The following LMBRD1 variants were observed in gnomAD, a reference collection of about 807,000 sequenced individuals.
The protein encoded by LMBRD1 is LMBR1 domain containing 1.
A neutral mutation model predicts 74.8 loss-of-function variants in LMBRD1; 64 were observed. The observed-to-expected ratio is 0.86, with a 90% confidence interval of 0.70 to 1.05. The LOEUF (loss-of-function observed/expected upper bound fraction) is 1.05. Among genes scored for constraint, LMBRD1 ranks in the 50% least tolerant of loss-of-function variants. LMBRD1 has a pLI of 0.00. For missense variants in LMBRD1, 652 were observed against 645.9 expected, an observed-to-expected ratio of 1.01 and a Z score of -0.10; for synonymous variants, 204 against 216.3, an observed-to-expected ratio of 0.94 and a Z score of 0.50.
intron 9 of LMBRD1, chr6:69,705,562 C>A: frequency 1.6e-6 from 2 of 1,270,986 alleles, no homozygotes; most frequent in Non-Finnish European, 2.2e-6. Context: ...GGCTTTTGTG[C>A]ATTTTTGGCT....
At chr6:69,779,610 C>A (rs998266448) in intron 3 of LMBRD1, among the ~76,000 whole-genome samples, 7 of 151,486 alleles carry the variant, frequency 4.6e-5, no homozygotes, top group Admixed American at 2.0e-4. Flanking sequence ...AATTTAAAAT[C>A]AAAAAAACAG....
Position 69,675,784 on chromosome 6 carries a change from A to C in LMBRD1, c.*374T>G. On this transcript the variant is annotated 3_prime_UTR_variant, in exon 16 of 16. Coordinates refer to ENST00000649934, the MANE Select transcript of LMBRD1 (RefSeq NM_018368.4). ...TCAGAGAGAGACACTTTAAAATTCC[A>C]CATCACTCTGGAGAACCTAAGGCAC... The C allele has an allele frequency of 4.7e-6, 1 of 214,792 alleles. No individual in the cohort carries two copies. Among genetic ancestry groups the C allele is most frequent in the Non-Finnish European group, 9.4e-6 (1 of 105,950 alleles). The allele number at this position is 214,792 out of a possible 1,614,324, so 13.3% of individuals were successfully genotyped here.
chr6:69,783,253 T>A (rs1481479688), intron 2 of LMBRD1, among the ~76,000 whole-genome samples: 1 of 152,234 alleles, frequency 6.6e-6, no homozygotes, highest in East Asian at 1.9e-4. Flanking sequence ...CTGAAAATTT[T>A]TTCATCAATG....
chr6:69,718,049 T>G (rs572873617), intron 8 of LMBRD1, among the ~76,000 whole-genome samples: 1 of 152,308 alleles, frequency 6.6e-6, no homozygotes, highest in Non-Finnish European at 1.5e-5. Flanking sequence ...GTTTTCTTTT[T>G]TGTGTGCTGT....
chr6:69,768,809 C>A (rs1765521548), intron 3 of LMBRD1, among the ~76,000 whole-genome samples: 1 of 151,968 alleles, frequency 6.6e-6, no homozygotes, highest in Non-Finnish European at 1.5e-5. Context: ...TCCTATTCCA[C>A]CTTCATTTTT....
intron 14 of LMBRD1, among the ~76,000 whole-genome samples, chr6:69,679,104 C>T (rs1765609593): frequency 6.6e-6 from 1 of 151,438 alleles, no homozygotes; most frequent in Non-Finnish European, 1.5e-5. Context: ...AAAGAAGCAA[C>T]TTCTTCCTTT....
rs1418793986 is a variant in LMBRD1 at position 69,780,526 on chromosome 6, T to C, written c.275A>G (p.Gln92Arg). 1.2e-6 allele frequency: 2 copies of C among 1,610,376 alleles called. No individual in the cohort carries two copies. Among genetic ancestry groups the C allele is most frequent in the Non-Finnish European group, 1.7e-6 (2 of 1,176,712 alleles). Residue 92 changes from glutamine to arginine, a missense_variant, in exon 3 of 16, where the codon CAG becomes CGG. This residue lies in a region of LMBRD1 where 598 missense variants were observed against 581.8 expected (regional missense o/e 1.03). Transcript: ENST00000649934. Reference protein sequence around the residue: ...KDWANANVSRQIEDTVLYGYY... With the variant: ...KDWANANVSRRIEDTVLYGYY... The stretch of plus-strand genomic sequence containing the variant: ...ACCGTATAATACAGTGTCCTCAATC[T>C]GTCTGCTGACATTAGCATTAGCCCA...
chr6:69,708,914 A>G (rs1766320529), intron 9 of LMBRD1, among the ~76,000 whole-genome samples: 1 of 152,156 alleles, frequency 6.6e-6, no homozygotes, highest in African/African-American at 2.4e-5. Flanking sequence ...TTCTTCCTCT[A>G]GTTTGACTTG....
rs1766874010 is a variant in LMBRD1 at position 69,732,214 on chromosome 6, T to G, written c.636+5728A>C. The stretch of plus-strand genomic sequence containing the variant: ...TTGTTTTCCCCTAAAATTCGTATGT[T>G]GAAATCTAATCCCCAGTGTGATATT... On this transcript the variant is annotated intron_variant, in intron 7 of 15. Coordinates refer to ENST00000649934, the MANE Select transcript of LMBRD1 (RefSeq NM_018368.4). Among the ~76,000 whole-genome samples the G allele has an allele frequency of 2.6e-5, 4 of 152,298 alleles. No individual in the cohort carries two copies. In the South Asian group the frequency reaches 8.3e-4, roughly 32 times the overall value.
intron 7 of LMBRD1, among the ~76,000 whole-genome samples, chr6:69,724,502 TTTGTATTTGTTGAACCATCCC>T (rs1336722392): frequency 1.4e-5 from 2 of 141,710 alleles, no homozygotes; most frequent in Non-Finnish European, 3.2e-5. Context: ...GTTCATTTGA[TTTGTATTTGTTGAACCATCCC>T]TTGCACCTCA....
At chr6:69,787,891 A>G (rs568222861) in intron 2 of LMBRD1, among the ~76,000 whole-genome samples, 17 of 152,274 alleles carry the variant, frequency 1.1e-4, no homozygotes, top group Non-Finnish European at 2.1e-4. Flanking sequence ...TTTTCTTTTA[A>G]GGGCACATGT....
At chr6:69,784,540 G>A (rs1765903326) in intron 2 of LMBRD1, among the ~76,000 whole-genome samples, 1 of 152,122 alleles carries the variant, frequency 6.6e-6, no homozygotes, top group Admixed American at 6.5e-5. Context: ...GAGGTAAGAG[G>A]TCAAGGACGC....
intron 3 of LMBRD1, among the ~76,000 whole-genome samples, chr6:69,756,420 G>T (rs1765268138): frequency 6.7e-6 from 1 of 149,566 alleles, no homozygotes; most frequent in South Asian, 2.1e-4. Context: ...CATTTTAAAA[G>T]ATGCTCAACA....
intron 5 of LMBRD1, chr6:69,746,602 C>A (rs1767237999): frequency 6.6e-6 from 1 of 152,484 alleles, no homozygotes; most frequent in Admixed American, 6.5e-5. Flanking sequence ...AGAAACTTGC[C>A]AAATATGATG....
chr6:69,787,451 A>G (rs1034777234), intron 2 of LMBRD1, among the ~76,000 whole-genome samples: 2 of 152,216 alleles, frequency 1.3e-5, no homozygotes, highest in Non-Finnish European at 2.9e-5. Context: ...CTTAATAATG[A>G]AAAGTAGGAA....
chr6:69,772,932 T>C (rs1451066344), intron 3 of LMBRD1, among the ~76,000 whole-genome samples: 1 of 152,160 alleles, frequency 6.6e-6, no homozygotes, highest in Non-Finnish European at 1.5e-5. Flanking sequence ...CAGCAGTAAA[T>C]AACACCTATT....
chr6:69,752,288 T>A lies in LMBRD1; in HGVS notation c.376A>T (p.Lys126Ter), dbSNP rs1170149970. 5.0e-6 allele frequency: 8 copies of A among 1,610,564 alleles called. No homozygotes were observed. The highest frequency in any genetic ancestry group is 6.8e-6 in the Non-Finnish European group (8 of 1,177,386). ...IPFVYFYYEE[K>*]DDDDTSKCTQ... is the part of the protein sequence containing the mutation. Reference sequence around the variant, plus strand: ...CATTTACTAGTATCATCATCATCCTTTTCTTCATAATAGAAGTAGACAAAA... The same window carrying A: ...CATTTACTAGTATCATCATCATCCTATTCTTCATAATAGAAGTAGACAAAA... Residue 126 changes from lysine to a stop codon, truncating the protein, a stop_gained, in exon 4 of 16, where the codon AAG becomes TAG. Transcript: ENST00000649934. LOFTEE classifies it high-confidence loss of function.
chr6:69,717,030 C>T (rs750969835), intron 8 of LMBRD1, among the ~76,000 whole-genome samples: 54 of 151,872 alleles, frequency 3.6e-4, no homozygotes, highest in African/African-American at 2.2e-4. Context: ...AAATTTGACA[C>T]AGATGAAAAT....
At position 69,676,260 on chromosome 6, in the gene LMBRD1, A is replaced by G; in HGVS notation, c.1521T>C (p.Ile507=). The G allele has an allele frequency of 6.2e-7, 1 of 1,613,062 alleles. No homozygotes were observed. The highest frequency in any genetic ancestry group is 2.2e-5 in the East Asian group (1 of 44,748). Residue 507 remains isoleucine (I), a synonymous_variant, in exon 16 of 16, where the codon ATT becomes ATC. Transcript: ENST00000649934. Reference sequence around the variant, plus strand: ...CTTTACAACAGGATACAATTAATCCAATCAAAAATACCTGTAAATTTAAAT... The same window carrying G: ...CTTTACAACAGGATACAATTAATCCGATCAAAAATACCTGTAAATTTAAAT... The part of the protein sequence containing the change: ...GNWAFLGVFL[I]GLIVSCCKGK...
Sources: allele counts gnomAD v4.1 joint callset (sites outside exome capture counted in the v4.1 genomes callset), GRCh38; gene constraint gnomAD v4.1.1; regional missense constraint gnomAD v4.1.1; transcripts MANE v1.5; gene names NCBI Gene and HGNC (gene_info 2026-07-23, HGNC 2026-07-21).